Variants in MAF observed in about 807,000 individuals in gnomAD.
MAF encodes the protein MAF bZIP transcription factor, also known as transcription factor Maf.
Under a neutral mutation model 22.0 loss-of-function variants are expected in MAF, and 10 were observed. The ratio of observed to expected loss-of-function variants is 0.45; its 90% confidence interval spans 0.28 to 0.77. The LOEUF is 0.77. Ranked by LOEUF, MAF falls within the 30% of genes least tolerant of loss-of-function variation. The pLI, the probability that MAF is intolerant of heterozygous loss-of-function variation, is 0.12. For missense variants in MAF, 544 were observed against 548.4 expected (o/e 0.99, Z 0.08); for synonymous variants, 337 against 255.8 (o/e 1.32, Z -3.03).
the MAF span, among the ~76,000 whole-genome samples, chr16:79,429,537 G>A: frequency 6.6e-6 from 1 of 152,162 alleles, no homozygotes; most frequent in Non-Finnish European, 1.5e-5. Context: ...GCAGCAGAGA[G>A]AGGGAGGCAG....
chr16:79,439,733 G>A, the MAF span, among the ~76,000 whole-genome samples: 84 of 152,260 alleles, frequency 5.5e-4, 1 homozygote, highest in East Asian at 0.013. Flanking sequence ...TAAGAGTGAG[G>A]ACAGAAGATG....
the MAF span, among the ~76,000 whole-genome samples, chr16:79,211,373 G>T: frequency 3.0e-3 from 458 of 152,278 alleles, 3 homozygotes; most frequent in Admixed American, 0.023. Flanking sequence ...CCTGTATGAG[G>T]TGTCAAAAGT....
At chr16:79,299,937 C>A in the MAF span, among the ~76,000 whole-genome samples, 287 of 152,330 alleles carry the variant, frequency 1.9e-3, 1 homozygote, top group African/African-American at 6.5e-3. Flanking sequence ...GGCTTTCTGA[C>A]CCATTGTCCA....
chr16:79,375,571 AGAT>A, the MAF span, among the ~76,000 whole-genome samples: 4 of 152,174 alleles, frequency 2.6e-5, no homozygotes, highest in East Asian at 5.8e-4. Flanking sequence ...ATGATGATGA[AGAT>A]GATGATGATA....
chr16:79,419,117 C>T, the MAF span, among the ~76,000 whole-genome samples: 29 of 152,316 alleles, frequency 1.9e-4, no homozygotes, highest in African/African-American at 5.8e-4. Context: ...AACTTCCCCC[C>T]TCAGGAAAAT....
chr16:79,475,637 G>C, the MAF span, among the ~76,000 whole-genome samples: 15 of 152,222 alleles, frequency 9.9e-5, no homozygotes, highest in African/African-American at 3.6e-4. Flanking sequence ...ATAAGGGTGT[G>C]GGTTATGTGG....
At chr16:79,530,512 C>T in the MAF span, among the ~76,000 whole-genome samples, 1 of 152,074 alleles carries the variant, frequency 6.6e-6, no homozygotes, top group African/African-American at 2.4e-5. Flanking sequence ...AATAAAAAAT[C>T]AGCATAAAAT....
chr16:79,209,021 T>G, the MAF span, among the ~76,000 whole-genome samples: 1 of 152,216 alleles, frequency 6.6e-6, no homozygotes, highest in Non-Finnish European at 1.5e-5. Context: ...TCGTCTTTGC[T>G]TTCGGGTGCC....
chr16:79,329,146 C>G, the MAF span, among the ~76,000 whole-genome samples: 1 of 151,848 alleles, frequency 6.6e-6, no homozygotes, highest in Admixed American at 6.6e-5. Context: ...AGAACGGGAC[C>G]AGGCAAGAAA....
chr16:79,399,664 T>C, the MAF span, among the ~76,000 whole-genome samples: 1 of 152,026 alleles, frequency 6.6e-6, no homozygotes, highest in African/African-American at 2.4e-5. Context: ...AATGATACAG[T>C]TTCCAGAGCC....
the MAF span, among the ~76,000 whole-genome samples, chr16:79,524,240 G>A: frequency 3.3e-5 from 5 of 152,262 alleles, no homozygotes; most frequent in South Asian, 2.1e-4. Flanking sequence ...TAACCCTTCC[G>A]CAGGGGGAGT....
chr16:79,476,692 G>A, the MAF span, among the ~76,000 whole-genome samples: 3 of 152,174 alleles, frequency 2.0e-5, no homozygotes, highest in African/African-American at 7.2e-5. Flanking sequence ...GCCTACCTAT[G>A]TTAGGGGGGA....
At chr16:79,568,088 A>G in the MAF span, among the ~76,000 whole-genome samples, 20 of 152,330 alleles carry the variant, frequency 1.3e-4, no homozygotes, top group African/African-American at 4.6e-4. Flanking sequence ...AAAGAGGACA[A>G]TATGTTTTCA....
chr16:79,380,722 G>A, the MAF span, among the ~76,000 whole-genome samples: 1 of 152,200 alleles, frequency 6.6e-6, no homozygotes, highest in Non-Finnish European at 1.5e-5. Context: ...CTGTTATACA[G>A]ATGGGAAGAC....
chr16:79,285,550 C>CT, the MAF span, among the ~76,000 whole-genome samples: 2 of 152,252 alleles, frequency 1.3e-5, no homozygotes, highest in East Asian at 3.9e-4. Flanking sequence ...TGACTCCTCT[C>CT]TAGAACCGCT....
chr16:79,528,916 C>A, the MAF span, among the ~76,000 whole-genome samples: 1 of 152,116 alleles, frequency 6.6e-6, no homozygotes, highest in Non-Finnish European at 1.5e-5. Context: ...GTTGATGACC[C>A]GGTGCAAGAT....
At chr16:79,341,672 C>T in the MAF span, among the ~76,000 whole-genome samples, 1 of 152,160 alleles carries the variant, frequency 6.6e-6, no homozygotes, top group South Asian at 2.1e-4. Flanking sequence ...AGCGTCATGA[C>T]TTTATTTACA....
chr16:79,238,398 C>T, the MAF span, among the ~76,000 whole-genome samples: 132 of 152,204 alleles, frequency 8.7e-4, 3 homozygotes, highest in South Asian at 2.3e-3. Context: ...GTAGAGCATA[C>T]GTCTTTTTTA....
chr16:79,251,654 G>T, the MAF span, among the ~76,000 whole-genome samples: 1 of 152,078 alleles, frequency 6.6e-6, no homozygotes, highest in Non-Finnish European at 1.5e-5. Context: ...TTACTGATGG[G>T]AAAAGAAATC....
Sources: allele counts gnomAD v4.1 joint callset (sites outside exome capture counted in the v4.1 genomes callset), GRCh38; gene constraint gnomAD v4.1.1; transcripts MANE v1.5; gene names NCBI Gene and HGNC (gene_info 2026-07-23, HGNC 2026-07-21).